ATXN1: variants seen among roughly 807,000 people sequenced by gnomAD.
The protein encoded by ATXN1 is ataxin 1, also known as ataxin-1.
In ATXN1, 8 loss-of-function variants were observed where a neutral mutation model predicts 56.4. The observed-to-expected ratio is 0.14, with a 90% CI of 0.08 to 0.26. The LOEUF is 0.26. Among genes scored for constraint, ATXN1 ranks in the 10% least tolerant of loss-of-function variants. The pLI is 1.00. For synonymous variants in ATXN1, 514 were observed against 494.6 expected (o/e 1.04, Z -0.52); for missense variants, 987 against 1,106.5 (o/e 0.89, Z 1.53).
chr6:16,641,859 CATGGGAAGAGGTCAAA>C (rs1216633506), intron 3 of ATXN1, among the ~76,000 whole-genome samples: 1 of 152,164 alleles, frequency 6.6e-6, no homozygotes, highest in Non-Finnish European at 1.5e-5. Flanking sequence ...ACATTTGATT[CATGGGAAGAGGTCAAA>C]ATATCAACAT....
intron 6 of ATXN1, among the ~76,000 whole-genome samples, chr6:16,338,702 T>C (rs2113435794): frequency 6.6e-6 from 1 of 152,284 alleles, no homozygotes; most frequent in African/African-American, 2.4e-5. Flanking sequence ...TTCTCAGTGA[T>C]CACCCACACT....
At chr6:16,521,003 C>T (rs1259063480) in intron 5 of ATXN1, among the ~76,000 whole-genome samples, 1 of 152,166 alleles carries the variant, frequency 6.6e-6, no homozygotes, top group Non-Finnish European at 1.5e-5. Flanking sequence ...ATAATAAACA[C>T]AAGCTCTTAA....
At chr6:16,696,532 C>T (rs1759169586) in intron 2 of ATXN1, among the ~76,000 whole-genome samples, 1 of 152,100 alleles carries the variant, frequency 6.6e-6, no homozygotes, top group Non-Finnish European at 1.5e-5. Flanking sequence ...ACAATGTCAG[C>T]ATTAATGCAT....
At chr6:16,501,984 T>C (rs923457900) in intron 5 of ATXN1, among the ~76,000 whole-genome samples, 4 of 152,190 alleles carry the variant, frequency 2.6e-5, no homozygotes, top group African/African-American at 7.2e-5. Context: ...CCAGCATCTA[T>C]TAGGAAACTG....
chr6:16,393,787 G>A (rs1481638093), intron 6 of ATXN1, among the ~76,000 whole-genome samples: 1 of 152,196 alleles, frequency 6.6e-6, no homozygotes, highest in African/African-American at 2.4e-5. Flanking sequence ...GGAGGCCAAG[G>A]TGGGAGGATC....
chr6:16,362,540 G>A (rs560742895), intron 6 of ATXN1, among the ~76,000 whole-genome samples: 3 of 151,920 alleles, frequency 2.0e-5, no homozygotes, highest in African/African-American at 4.8e-5. Flanking sequence ...CATCACCCCC[G>A]CTCCGGAGTG....
intron 6 of ATXN1, among the ~76,000 whole-genome samples, chr6:16,409,307 A>C (rs73724861): frequency 1.9e-4 from 29 of 151,844 alleles, no homozygotes; most frequent in African/African-American, 7.0e-4. Flanking sequence ...AAAAAAAAAA[A>C]CCACAGTAAC....
intron 6 of ATXN1, among the ~76,000 whole-genome samples, chr6:16,437,471 A>T (rs1759418991): frequency 1.3e-5 from 2 of 152,216 alleles, no homozygotes; most frequent in Non-Finnish European, 2.9e-5. Context: ...CTTCCCATGC[A>T]CTAAGGAGCT....
intron 6 of ATXN1, among the ~76,000 whole-genome samples, chr6:16,351,728 T>G (rs182577964): frequency 6.6e-6 from 1 of 152,270 alleles, no homozygotes; most frequent in Non-Finnish European, 1.5e-5. Flanking sequence ...TGGATCAATA[T>G]TTCTCCTTGT....
chr6:16,416,501 CT>C (rs1477571135), intron 6 of ATXN1, among the ~76,000 whole-genome samples: 1 of 152,210 alleles, frequency 6.6e-6, no homozygotes, highest in Non-Finnish European at 1.5e-5. Flanking sequence ...CCTTACAGGG[CT>C]GTTGTGAGGA....
chr6:16,721,596 C>T (rs1428943265), intron 2 of ATXN1, among the ~76,000 whole-genome samples: 1 of 152,092 alleles, frequency 6.6e-6, no homozygotes, highest in Admixed American at 6.5e-5. Context: ...CACTGCACTC[C>T]AGCCAGGGTG....
chr6:16,349,475 C>T (rs1299707170), intron 6 of ATXN1, among the ~76,000 whole-genome samples: 1 of 151,954 alleles, frequency 6.6e-6, no homozygotes, highest in Non-Finnish European at 1.5e-5. Flanking sequence ...TGCACTCCAG[C>T]CTGGTGACAG....
At chr6:16,556,721 G>A (rs902847684) in intron 4 of ATXN1, among the ~76,000 whole-genome samples, 3 of 152,144 alleles carry the variant, frequency 2.0e-5, no homozygotes, top group Non-Finnish European at 4.4e-5. Flanking sequence ...ACATGAGGAT[G>A]TCTACCATCA....
intron 3 of ATXN1, among the ~76,000 whole-genome samples, chr6:16,597,692 G>A (rs1017694803): frequency 6.7e-6 from 1 of 150,298 alleles, no homozygotes; most frequent in African/African-American, 2.5e-5. Flanking sequence ...CACCCGCCTC[G>A]GCCTCCCAAG....
At chr6:16,404,047 A>G (rs1413791018) in intron 6 of ATXN1, among the ~76,000 whole-genome samples, 1 of 152,202 alleles carries the variant, frequency 6.6e-6, no homozygotes, top group African/African-American at 2.4e-5. Flanking sequence ...ATAATATGGT[A>G]AATTCTGGCT....
At chr6:16,646,707 G>A (rs1763803506) in intron 3 of ATXN1, among the ~76,000 whole-genome samples, 1 of 152,206 alleles carries the variant, frequency 6.6e-6, no homozygotes, top group Non-Finnish European at 1.5e-5. Flanking sequence ...TTCCAAGTCA[G>A]CTCTGATGCT....
intron 4 of ATXN1, among the ~76,000 whole-genome samples, chr6:16,563,882 T>G (rs1017838157): frequency 6.6e-6 from 1 of 152,146 alleles, no homozygotes; most frequent in Non-Finnish European, 1.5e-5. Flanking sequence ...GTCCAAGGGC[T>G]TAGGACGGAG....
chr6:16,421,248 A>AT (rs1183599509), intron 6 of ATXN1, among the ~76,000 whole-genome samples: 1 of 152,142 alleles, frequency 6.6e-6, no homozygotes, highest in Non-Finnish European at 1.5e-5. Context: ...ATGAGTTCAC[A>AT]TGCAGCTAAG....
chr6:16,663,856 T>C (rs994754480), intron 2 of ATXN1, among the ~76,000 whole-genome samples: 1 of 152,096 alleles, frequency 6.6e-6, no homozygotes, highest in Non-Finnish European at 1.5e-5. Context: ...TCCATACTGA[T>C]GGAATATTCT....
Sources: gnomAD v4.1 joint callset for allele counts (sites outside exome capture counted in the v4.1 genomes callset) on GRCh38, gnomAD v4.1.1 for gene constraint, MANE v1.5 for transcripts, NCBI Gene and HGNC (gene_info 2026-07-23, HGNC 2026-07-21) for gene names.